Variants in DGKB observed in about 807,000 individuals in gnomAD.
DGKB encodes the protein 90 kDa diacylglycerol kinase.
A neutral mutation model predicts 114.3 loss-of-function variants in DGKB; 67 were observed. The observed-to-expected ratio is 0.59, with a 90% CI of 0.48 to 0.72. The LOEUF (loss-of-function observed/expected upper bound fraction) is 0.72. DGKB is among the 30% of genes least tolerant of loss of function. The pLI is 0.00. For synonymous variants in DGKB, 398 were observed against 323.1 expected, an observed-to-expected ratio of 1.23 and a Z score of -2.49; for missense variants, 907 against 975.2, an observed-to-expected ratio of 0.93 and a Z score of 0.93.
chr7:14,775,418 T>A (rs899052720), intron 2 of DGKB, among the ~76,000 whole-genome samples: 4 of 151,746 alleles, frequency 2.6e-5, no homozygotes, highest in Admixed American at 2.0e-4. Context: ...TCATCTTGAA[T>A]TATATTAGGT....
At chr7:14,274,462 C>T (rs529935454) in intron 23 of DGKB, among the ~76,000 whole-genome samples, 6 of 152,184 alleles carry the variant, frequency 3.9e-5, no homozygotes, top group Non-Finnish European at 8.8e-5. Flanking sequence ...AAGGCCCTCC[C>T]TGCTTGCTTT....
At position 14,324,328 on chromosome 7, in the gene DGKB, T is replaced by A. The variant is rs769607187; in HGVS notation, c.2122+14187A>T. ...TAGGCATGGTGGCATGCGCCTATAATCCTGGCTACTTGGGAGGCTGAGGCA... is the reference window on the plus strand; with the variant it reads ...TAGGCATGGTGGCATGCGCCTATAAACCTGGCTACTTGGGAGGCTGAGGCA... On this transcript the variant is annotated intron_variant, in intron 23 of 25. Coordinates refer to ENST00000402815, the MANE Select transcript of DGKB (RefSeq NM_001350709.2). Among the ~76,000 whole-genome samples the A allele has an allele frequency of 3.3e-5, 5 of 151,500 alleles. No homozygotes were observed. The South Asian group carries it at 8.4e-4, about 25-fold the overall frequency.
At chr7:14,470,920 G>T (rs1221234950) in intron 21 of DGKB, among the ~76,000 whole-genome samples, 6 of 151,208 alleles carry the variant, frequency 4.0e-5, no homozygotes. Flanking sequence ...TTTCTCAATG[G>T]TACTTTATAT....
At chr7:14,298,502 T>C (rs1310872506) in intron 23 of DGKB, among the ~76,000 whole-genome samples, 4 of 152,088 alleles carry the variant, frequency 2.6e-5, no homozygotes, top group Admixed American at 2.0e-4. Context: ...TGGCTAACCA[T>C]ACGCAGAAAA....
At chr7:14,665,615 T>C (rs1337792230) in intron 13 of DGKB, among the ~76,000 whole-genome samples, 1 of 151,988 alleles carries the variant, frequency 6.6e-6, no homozygotes, top group African/African-American at 2.4e-5. Flanking sequence ...ACAACAGAAA[T>C]GATTTTTGTG....
chr7:14,841,462 A>C lies in DGKB; in HGVS notation c.-187-12T>G, dbSNP rs1847922077. ...AATGTGTTAAAGAACTGCAAAAAAA[A>C]AAAACAGATCAAGATCAAAAGATTA... On this transcript the variant is annotated splice_polypyrimidine_tract_variant and intron_variant, in intron 1 of 25. Transcript: ENST00000402815. The C allele has an allele frequency of 2.3e-6, 1 of 434,524 alleles. No homozygotes were observed. Among genetic ancestry groups the C allele is most frequent in the Non-Finnish European group, 4.1e-6 (1 of 242,922 alleles). The allele number at this position is 434,524 out of a possible 1,614,324, so 26.9% of individuals were successfully genotyped here.
intron 13 of DGKB, among the ~76,000 whole-genome samples, chr7:14,641,529 T>A (rs1337764432): frequency 1.3e-5 from 2 of 152,026 alleles, no homozygotes; most frequent in Admixed American, 6.5e-5. Context: ...TAGGCAAAAA[T>A]TAAACCCTGA....
Position 14,318,851 on chromosome 7 carries a change from G to A in DGKB, c.2122+19664C>T, listed in dbSNP as rs555790852. 1.2e-3 allele frequency among the ~76,000 whole-genome samples: 175 copies of A among 152,128 alleles called. 3 individuals are homozygous for A. The highest frequency in any genetic ancestry group is 4.1e-3 in the African/African-American group (169 of 41,502). ...GCACATGCACACGTATGTTTATTGCGGCATTATTCACAATAGCAAAGACTT... is the reference window on the plus strand; with the variant it reads ...GCACATGCACACGTATGTTTATTGCAGCATTATTCACAATAGCAAAGACTT... On this transcript the variant is annotated intron_variant, in intron 23 of 25. Transcript: ENST00000402815.
chr7:14,843,901 G>A (rs1586864673), intron 1 of DGKB, among the ~76,000 whole-genome samples: 1 of 152,252 alleles, frequency 6.6e-6, no homozygotes, highest in Non-Finnish European at 1.5e-5. Flanking sequence ...TCACATGACT[G>A]TATTAGGTCA....
intron 13 of DGKB, among the ~76,000 whole-genome samples, chr7:14,668,093 G>T (rs988753979): frequency 6.6e-6 from 1 of 152,020 alleles, no homozygotes; most frequent in African/African-American, 2.4e-5. Context: ...TATTTTAAGA[G>T]TGAGAGGGAC....
chr7:14,367,057 C>A (rs1816795923), intron 21 of DGKB, among the ~76,000 whole-genome samples: 1 of 152,122 alleles, frequency 6.6e-6, no homozygotes, highest in African/African-American at 2.4e-5. Flanking sequence ...CTTTCCCAGG[C>A]TAGAGACATG....
At chr7:14,863,586 A>G (rs1554313538) in intron 1 of DGKB, among the ~76,000 whole-genome samples, 1 of 152,100 alleles carries the variant, frequency 6.6e-6, no homozygotes, top group Non-Finnish European at 1.5e-5. Context: ...AGAATGCTGT[A>G]ATATGAATTA....
intron 16 of DGKB, among the ~76,000 whole-genome samples, chr7:14,608,642 C>T (rs1289312168): frequency 1.3e-5 from 2 of 151,942 alleles, no homozygotes; most frequent in African/African-American, 4.8e-5. Context: ...AAATCAAGCT[C>T]TCTCTCTTCA....
chr7:14,337,193 A>G (rs1810836341), intron 23 of DGKB, among the ~76,000 whole-genome samples: 1 of 152,084 alleles, frequency 6.6e-6, no homozygotes, highest in Admixed American at 6.6e-5. Context: ...ACAAATATAA[A>G]TTAATTTCAA....
chr7:14,845,816 C>T (rs1018737400), intron 1 of DGKB, among the ~76,000 whole-genome samples: 2 of 150,128 alleles, frequency 1.3e-5, no homozygotes, highest in African/African-American at 4.9e-5. Context: ...TTTTCTTCAA[C>T]TGAATGGGCA....
chr7:14,732,682 T>C (rs1386928524), intron 5 of DGKB, among the ~76,000 whole-genome samples: 1 of 152,236 alleles, frequency 6.6e-6, no homozygotes, highest in East Asian at 1.9e-4. Flanking sequence ...GAGGACTACA[T>C]AGCCCATATT....
chr7:14,402,530 T>A (rs2128728589), intron 21 of DGKB, among the ~76,000 whole-genome samples: 1 of 152,032 alleles, frequency 6.6e-6, no homozygotes, highest in East Asian at 1.9e-4. Context: ...GAGTCAAATT[T>A]GCTACTCTGT....
chr7:14,845,981 C>A (rs1461007875), intron 1 of DGKB, among the ~76,000 whole-genome samples: 1 of 152,142 alleles, frequency 6.6e-6, no homozygotes, highest in Non-Finnish European at 1.5e-5. Flanking sequence ...GTCAGCTAAC[C>A]AATTTACCAT....
At chr7:14,351,659 T>C (rs538738280) in intron 21 of DGKB, among the ~76,000 whole-genome samples, 18 of 152,334 alleles carry the variant, frequency 1.2e-4, no homozygotes, top group Admixed American at 3.3e-4. Flanking sequence ...GCTCAAAGTA[T>C]GTAATAGTGG....
Sources: allele counts gnomAD v4.1 joint callset (sites outside exome capture counted in the v4.1 genomes callset), GRCh38; gene constraint gnomAD v4.1.1; transcripts MANE v1.5; gene names NCBI Gene and HGNC (gene_info 2026-07-23, HGNC 2026-07-21).